SUPT6H: variants seen among roughly 807,000 people sequenced by gnomAD.
SUPT6H encodes SPT6 homolog, histone chaperone and transcription elongation factor.
In SUPT6H, 11 loss-of-function variants were observed where a neutral mutation model predicts 222.3. The ratio of observed to expected loss-of-function variants is 0.05; its 90% CI spans 0.03 to 0.08. The LOEUF (loss-of-function observed/expected upper bound fraction) is 0.08, where lower values mean the gene tolerates loss of function less well. Among genes scored for constraint, SUPT6H ranks in the 10% least tolerant of loss-of-function variants. The pLI is 1.00. For synonymous variants in SUPT6H, 762 were observed against 801.2 expected (o/e 0.95, Z 0.83); for missense variants, 1,422 against 2,216.0 (o/e 0.64, Z 7.19).
chr17:28,698,428 G>A (rs1036867995), intron 32 of SUPT6H, among the ~76,000 whole-genome samples: 2 of 152,194 alleles, frequency 1.3e-5, no homozygotes, highest in Admixed American at 6.5e-5. Context: ...TGCTCACTCC[G>A]CCCGCACTGA....
intron 1 of SUPT6H, among the ~76,000 whole-genome samples, chr17:28,663,842 T>TTTTTTTTTTTTTTTTTTTC: frequency 7.7e-6 from 1 of 130,144 alleles, no homozygotes; most frequent in Admixed American, 7.9e-5. Context: ...TTTTTTTTTT[T>TTTTTTTTTTTTTTTTTTTC]TTTGTGGAGA....
Position 28,678,707 on chromosome 17 carries a change from C to T in SUPT6H, c.1206+73C>T, listed in dbSNP as rs1186608150. The T allele has an allele frequency of 1.9e-6, 3 of 1,610,798 alleles. No homozygotes were observed. In the East Asian group the frequency reaches 6.7e-5, roughly 36 times the overall value. On this transcript the variant is annotated intron_variant, in intron 10 of 36. Transcript: ENST00000314616. ...CATTACTACCAGGATACCACAAACC[C>T]AAACCCCCCAGGCCTGTCTAGTCCT... is the stretch of plus-strand genomic sequence containing the variant.
chr17:28,683,636 G>A lies in SUPT6H; in HGVS notation c.2049G>A (p.Gln683=), dbSNP rs765482560. ...CTCTTCTCAGCTATGGCAACGACCAGACATATTTTGAGGAGATAAAACAGT... is the reference window on the plus strand; with the variant it reads ...CTCTTCTCAGCTATGGCAACGACCAAACATATTTTGAGGAGATAAAACAGT... ...LKGVEGYGND[Q]TYFEEIKQFY... is the part of the protein sequence containing the mutation. Residue 683 remains glutamine, a synonymous_variant, in exon 17 of 37, where the codon CAG becomes CAA. Transcript: ENST00000314616. The A allele has an allele frequency of 2.5e-6, 4 of 1,614,010 alleles. No individual in the cohort carries two copies. Among genetic ancestry groups the A allele is most frequent in the African/African-American group, 2.7e-5 (2 of 75,032 alleles).
chr17:28,700,248 C>T lies in SUPT6H; in HGVS notation c.4637C>T (p.Ala1546Val). Residue 1546 changes from alanine to valine, a missense_variant and splice_region_variant, in exon 34 of 37, where the codon GCA becomes GTA. By Grantham distance (64) the Ala-to-Val change is moderately conservative. This residue lies in a region of SUPT6H where 395 missense variants were observed against 580.6 expected (regional missense o/e 0.68). Transcript: ENST00000314616. Reference sequence around the variant, plus strand: ...GCTACCCCAGCCAACATCAACCTTGCAGGTGAGGAGCTTGAGCCTGGGACT... The same window carrying T: ...GCTACCCCAGCCAACATCAACCTTGTAGGTGAGGAGCTTGAGCCTGGGACT... ...INATPANINL[A>V]DLTRAVNALP... 1 of 1,614,246 alleles carries T rather than the reference C, an allele frequency of 6.2e-7. No individual in the cohort carries two copies. The highest frequency in any genetic ancestry group is 8.5e-7 in the Non-Finnish European group (1 of 1,180,044).
intron 14 of SUPT6H, 41 bp from the exon 15 acceptor site, chr17:28,682,901 C>T (rs1236977501): frequency 6.2e-7 from 1 of 1,613,420 alleles, no homozygotes; most frequent in African/African-American, 1.3e-5. Context: ...GCCTGAGGAC[C>T]ACAACACCCT....
At chr17:28,669,255 C>T (rs2030270325) in intron 1 of SUPT6H, among the ~76,000 whole-genome samples, 1 of 152,034 alleles carries the variant, frequency 6.6e-6, no homozygotes, top group Non-Finnish European at 1.5e-5. Context: ...GCAGTAGCAC[C>T]ATCTTGGCTC....
chr17:28,668,548 A>C (rs1267825597), intron 1 of SUPT6H, among the ~76,000 whole-genome samples: 1 of 152,226 alleles, frequency 6.6e-6, no homozygotes, highest in East Asian at 1.9e-4. Context: ...GGGAAGAAAG[A>C]GAACACAGCT....
chr17:28,683,449 C>T, intron 16 of SUPT6H, 27 bp downstream of exon 16: 1 of 1,612,472 alleles, frequency 6.2e-7, no homozygotes, highest in Non-Finnish European at 8.5e-7. Flanking sequence ...GCTGGCGACT[C>T]TCTGGGGAAG....
At position 28,683,845 on chromosome 17, in the gene SUPT6H, T is replaced by C. The variant is rs771210952; in HGVS notation, c.2229+29T>C. 18 of 1,569,212 alleles carry C rather than the reference T, an allele frequency of 1.1e-5. 1 individual carries two copies. The highest frequency in any genetic ancestry group is 7.0e-5 in the South Asian group (6 of 85,150). On this transcript the variant is annotated intron_variant, in intron 17 of 36. Transcript: ENST00000314616. Reference sequence around the variant, plus strand: ...AGGACAGAGACTCATGATTTTTTTTTTTTTTTTGGTGACAGAGTCTTGCTC... The same window carrying C: ...AGGACAGAGACTCATGATTTTTTTTCTTTTTTTGGTGACAGAGTCTTGCTC...
chr17:28,686,689 T>C lies in SUPT6H; in HGVS notation c.2600T>C (p.Ile867Thr), dbSNP rs528842691. 1.9e-6 allele frequency: 3 copies of C among 1,606,580 alleles called. No homozygotes were observed. The African/African-American group carries it at 4.0e-5, about 22-fold the overall frequency. Residue 867 changes from isoleucine (I) to threonine (T), a missense_variant, in exon 21 of 37, where the codon ATT becomes ACT. Physicochemically the swap from Ile to Thr is moderately conservative, Grantham distance 89. This residue lies in a region of SUPT6H where 294 missense variants were observed against 382.1 expected (regional missense o/e 0.77). Transcript: ENST00000314616. ...AQMLIEDVKR[I>T]VHELDQGQQL... ...ATGTTGATTGAAGATGTGAAGCGCA[T>C]TGTACATGAGCTGGACCAGGGCCAG...
At chr17:28,670,343 G>A (rs1477875400) in intron 1 of SUPT6H, 2 of 152,136 alleles carry the variant, frequency 1.3e-5, no homozygotes, top group Non-Finnish European at 2.9e-5. Context: ...TAAAATAGTA[G>A]GGTATTTGTT....
At chr17:28,678,252 A>T in intron 9 of SUPT6H, 60 bp downstream of exon 9, 2 of 1,454,238 alleles carry the variant, frequency 1.4e-6, no homozygotes, top group East Asian at 4.5e-5. Context: ...ATGAGGGAAA[A>T]GATAATTACC....
intron 6 of SUPT6H, 145 bp from the exon 7 acceptor site, chr17:28,676,012 T>G: frequency 2.1e-6 from 2 of 945,400 alleles, no homozygotes; most frequent in South Asian, 4.0e-5. Flanking sequence ...AATGAAGCCT[T>G]TCGTCCACAG....
rs767851006 is a variant in SUPT6H, at chr17:28,688,113, G to A, written c.3029G>A (p.Arg1010Gln). 4.3e-6 allele frequency: 7 copies of A among 1,612,852 alleles called. No individual in the cohort carries two copies. The highest frequency in any genetic ancestry group is 1.7e-5 in the Admixed American group (1 of 59,890). The change falls in exon 24 of 37, where the codon CGG (arginine) becomes CAG (glutamine). Residue 1010 changes from arginine (R) to glutamine (Q), a missense_variant. Arg to Gln is a conservative substitution (Grantham distance 43, BLOSUM62 1). Transcript: ENST00000314616. The surrounding 1 kb of genome is among the most constrained non-coding windows in gnomAD (Gnocchi z 4.3). ...CAGATCCTGAAGCAGAACAACACCC[G>A]GCTCGAGAGCCGGACCCAGCTGGTC... ...LLKILKQNNT[R>Q]LESRTQLVTM...
Position 28,682,871 on chromosome 17 carries a change from G to C in SUPT6H, c.1727+15G>C, listed in dbSNP as rs1346564080. ...TACGTTTGCAGGTAGGCATGCAGCAGGTGGCTGACAGGAGGAGGGGCCTGA... is the reference window on the plus strand; with the variant it reads ...TACGTTTGCAGGTAGGCATGCAGCACGTGGCTGACAGGAGGAGGGGCCTGA... On this transcript the variant is annotated intron_variant, in intron 14 of 36. Transcript: ENST00000314616. The C allele has an allele frequency of 6.2e-7, 1 of 1,614,138 alleles. No individual in the cohort carries two copies. Among genetic ancestry groups the C allele is most frequent in the East Asian group, 2.2e-5 (1 of 44,878 alleles).
chr17:28,674,171 A>C, intron 2 of SUPT6H, 112 bp from the exon 3 acceptor site: 1 of 1,307,918 alleles, frequency 7.6e-7, no homozygotes, highest in Non-Finnish European at 1.1e-6. Flanking sequence ...AAGAGTTAAC[A>C]TGGCACCCAG....
At chr17:28,663,162 T>C (rs2072094752) in intron 1 of SUPT6H, among the ~76,000 whole-genome samples, 1 of 152,202 alleles carries the variant, frequency 6.6e-6, no homozygotes, top group African/African-American at 2.4e-5. Context: ...GTGTAAACAA[T>C]ATTGAATTTG....
In SUPT6H at chr17:28,686,259, A is replaced by G. The variant is rs2031373778; in HGVS notation, c.2488-80A>G. The stretch of plus-strand genomic sequence containing the variant: ...TCTGAAGACTTCCAGTTCTTACAAG[A>G]TCTCCAACATAGGGAGACAGAATTT... On this transcript the variant is annotated intron_variant, in intron 19 of 36. Transcript: ENST00000314616. The G allele has an allele frequency of 3.2e-6, 4 of 1,269,650 alleles. No individual in the cohort carries two copies. In the South Asian group the frequency reaches 5.0e-5, roughly 16 times the overall value. 78.6% of individuals were successfully genotyped at this position (1,269,650 alleles called of 1,614,324 possible). A position where few individuals can be genotyped will look rare whatever the true frequency, so the allele number is the denominator to read the frequency against.
Position 28,697,731 on chromosome 17 carries a change from A to G in SUPT6H, c.4321A>G (p.Lys1441Glu). The G allele has an allele frequency of 6.2e-7, 1 of 1,614,152 alleles. No individual in the cohort carries two copies. Among genetic ancestry groups the G allele is most frequent in the Non-Finnish European group, 8.5e-7 (1 of 1,179,978 alleles). ...TCAGGACTGCAGCGGTGGGGACCGC[A>G]AGGTAAGCCCAGGGCCCTCTGAGGA... ...YYQDCSGGDR[K>E]KLEELLIKTK... The change falls in exon 31 of 37, where the codon AAG (lysine) becomes GAG (glutamate). Residue 1441 changes from lysine (K) to glutamate (E), a missense_variant and splice_region_variant. By Grantham distance (56) the Lys-to-Glu change is moderately conservative. This residue lies in a region of SUPT6H where 395 missense variants were observed against 580.6 expected (regional missense o/e 0.68). Coordinates refer to ENST00000314616, the MANE Select transcript of SUPT6H (RefSeq NM_003170.5).
Sources: gnomAD v4.1 joint callset for allele counts (sites outside exome capture counted in the v4.1 genomes callset) on GRCh38, gnomAD v4.1.1 for gene constraint, gnomAD v4.1.1 regional missense constraint, Gnocchi (gnomAD v3.1) non-coding constraint, MANE v1.5 for transcripts, NCBI Gene and HGNC (gene_info 2026-07-23, HGNC 2026-07-21) for gene names.